The following GRIN3A variants were observed in gnomAD, a reference collection of about 807,000 sequenced individuals.
GRIN3A encodes the protein glutamate ionotropic receptor NMDA type subunit 3A, also known as glutamate receptor ionotropic, NMDA 3A.
A neutral mutation model predicts 92.4 loss-of-function variants in GRIN3A; 47 were observed. The ratio of observed to expected loss-of-function variants is 0.51; its 90% CI spans 0.40 to 0.65. The LOEUF (loss-of-function observed/expected upper bound fraction) is 0.65. GRIN3A is among the 30% of genes least tolerant of loss of function. GRIN3A has a pLI of 0.00. For synonymous variants in GRIN3A, 527 were observed against 540.6 expected (o/e 0.97, Z 0.35); for missense variants, 1,324 against 1,393.1 (o/e 0.95, Z 0.79).
Position 101,570,791 on chromosome 9 carries a change from C to T in GRIN3A, c.*2383G>A, listed in dbSNP as rs1319580710. On this transcript the variant is annotated 3_prime_UTR_variant, in exon 9 of 9. Transcript: ENST00000361820. ...TATACAAAAATGCAGACTTACAAAA[C>T]AGATACATTAAGGGATAATTAATTG... is the stretch of plus-strand genomic sequence containing the variant. 6.6e-6 allele frequency: 1 copy of T among 152,600 alleles called. No individual in the cohort carries two copies. The highest frequency in any genetic ancestry group is 1.9e-4 in the East Asian group (1 of 5,190). The allele number at this position is 152,600 out of a possible 1,614,324, so 9.5% of individuals were successfully genotyped here.
intron 2 of GRIN3A, among the ~76,000 whole-genome samples, chr9:101,686,010 C>G (rs1829528897): frequency 6.6e-6 from 1 of 152,086 alleles, no homozygotes; most frequent in Non-Finnish European, 1.5e-5. Context: ...ACGGTCTGAA[C>G]TTGAGTTCAA....
chr9:101,678,759 T>A (rs1457179215), intron 2 of GRIN3A, among the ~76,000 whole-genome samples: 1 of 152,194 alleles, frequency 6.6e-6, no homozygotes, highest in East Asian at 1.9e-4. Context: ...TATGAGGGGC[T>A]TGCTACATCA....
chr9:101,678,163 A>G (rs1298354430), intron 2 of GRIN3A, among the ~76,000 whole-genome samples: 1 of 152,176 alleles, frequency 6.6e-6, no homozygotes, highest in Non-Finnish European at 1.5e-5. Flanking sequence ...GTTTTGGGGT[A>G]AATGCAATTA....
chr9:101,678,447 A>G (rs767405887), intron 2 of GRIN3A, among the ~76,000 whole-genome samples: 1 of 152,194 alleles, frequency 6.6e-6, no homozygotes, highest in Non-Finnish European at 1.5e-5. Context: ...CCTGCACGCT[A>G]TAATCCCTGA....
intron 6 of GRIN3A, among the ~76,000 whole-genome samples, chr9:101,583,790 C>G (rs2118793698): frequency 6.6e-6 from 1 of 152,222 alleles, no homozygotes; most frequent in Admixed American, 6.5e-5. Flanking sequence ...GCTTCATTTG[C>G]TAGCTCATAG....
intron 8 of GRIN3A, among the ~76,000 whole-genome samples, chr9:101,576,629 AT>A (rs1201474493): frequency 6.6e-6 from 1 of 152,122 alleles, no homozygotes; most frequent in Non-Finnish European, 1.5e-5. Flanking sequence ...TGTTACTGTT[AT>A]TAAAAATTTA....
At chr9:101,613,209 C>A (rs1828391668) in intron 6 of GRIN3A, among the ~76,000 whole-genome samples, 167 bp downstream of exon 6, 1 of 152,184 alleles carries the variant, frequency 6.6e-6, no homozygotes, top group Admixed American at 6.5e-5. Flanking sequence ...CTGTAAATTC[C>A]TATAGGAATG....
intron 6 of GRIN3A, among the ~76,000 whole-genome samples, chr9:101,583,961 A>G (rs545053449): frequency 7.2e-5 from 11 of 152,300 alleles, no homozygotes; most frequent in African/African-American, 2.6e-4. Context: ...GGTTCAAGCA[A>G]TTCTCATGCC....
intron 6 of GRIN3A, among the ~76,000 whole-genome samples, chr9:101,604,188 AAGAG>A (rs1328185795): frequency 3.9e-5 from 6 of 152,298 alleles, no homozygotes; most frequent in East Asian, 3.9e-4. Flanking sequence ...AGGAGGGAGA[AAGAG>A]AGAAAGAAAG....
chr9:101,652,969 G>A (rs891375530), intron 3 of GRIN3A, among the ~76,000 whole-genome samples: 5 of 151,680 alleles, frequency 3.3e-5, no homozygotes, highest in Non-Finnish European at 5.9e-5. Flanking sequence ...AAGAATTTTC[G>A]TTTGAGCTAA....
chr9:101,704,935 A>T (rs1378894946), intron 1 of GRIN3A, among the ~76,000 whole-genome samples: 1 of 152,134 alleles, frequency 6.6e-6, no homozygotes, highest in Non-Finnish European at 1.5e-5. Flanking sequence ...TGCAGCAGGA[A>T]TGAGCAAAAC....
chr9:101,675,276 T>C (rs1310536208), intron 2 of GRIN3A, among the ~76,000 whole-genome samples: 3 of 152,046 alleles, frequency 2.0e-5, no homozygotes, highest in African/African-American at 7.2e-5. Context: ...TAATTAAGAA[T>C]ACGTAATTTG....
rs10156556 is a variant in GRIN3A at position 101,690,368 on chromosome 9, C to A, written c.700-3168G>T. ...GTGGAGATGAAACTCCACTCTACTC[C>A]ATTAATTTTGCAGGTTTTGTTCCAT... On this transcript the variant is annotated intron_variant, in intron 1 of 8. Coordinates refer to ENST00000361820, the MANE Select transcript of GRIN3A (RefSeq NM_133445.3). 8.9e-3 allele frequency among the ~76,000 whole-genome samples: 1,355 copies of A among 152,188 alleles called. 22 individuals carry two copies. The highest frequency in any genetic ancestry group is 0.031 in the African/African-American group (1,289 of 41,528).
intron 1 of GRIN3A, among the ~76,000 whole-genome samples, chr9:101,712,543 A>G (rs1237637854): frequency 2.6e-5 from 4 of 152,190 alleles, no homozygotes; most frequent in Non-Finnish European, 5.9e-5. Context: ...TCAACCCCAA[A>G]TTACAGTGAT....
chr9:101,643,193 G>GCAAA (rs999734111), intron 3 of GRIN3A, among the ~76,000 whole-genome samples: 21 of 151,800 alleles, frequency 1.4e-4, no homozygotes, highest in African/African-American at 5.1e-4. Flanking sequence ...CAGCTCAATA[G>GCAAA]CAAACAAACA....
chr9:101,573,376 G>T lies in GRIN3A; in HGVS notation c.3146C>A (p.Pro1049His), dbSNP rs2118774337. ...GIRIHQDIPL[P>H]PRRRELPALR... is the part of the protein sequence containing the mutation. ...GGCAGGGAGCTCTCTTCTCCTTGGA[G>T]GGAGGGGGATGTCCTGGTGGATCCG... Residue 1049 changes from proline (P) to histidine (H), a missense_variant, in exon 9 of 9, where the codon CCT becomes CAT. Physicochemically the swap from Pro to His is moderately conservative, Grantham distance 77. Transcript: ENST00000361820. 6.2e-7 allele frequency: 1 copy of T among 1,614,032 alleles called. No individual in the cohort carries two copies. Among genetic ancestry groups the T allele is most frequent in the East Asian group, 2.2e-5 (1 of 44,868 alleles).
chr9:101,628,356 T>G lies in GRIN3A; in HGVS notation c.2398A>C (p.Ser800Arg). ...QGFRFGTVRE[S>R]SAEDYVRQSF... The stretch of plus-strand genomic sequence containing the variant: ...TGTCTCACATAATCTTCAGCACTGC[T>G]TTCTCGGACAGTTCCAAAGCGGAAT... Residue 800 changes from serine to arginine, a missense_variant, in exon 4 of 9, where the codon AGC becomes CGC. Physicochemically the swap from Ser to Arg is moderately radical, Grantham distance 110. Coordinates refer to ENST00000361820, the MANE Select transcript of GRIN3A (RefSeq NM_133445.3). The G allele has an allele frequency of 1.2e-6, 2 of 1,613,974 alleles. No individual in the cohort carries two copies. Among genetic ancestry groups the G allele is most frequent in the Non-Finnish European group, 1.7e-6 (2 of 1,179,916 alleles).
intron 1 of GRIN3A, among the ~76,000 whole-genome samples, chr9:101,707,014 G>T (rs1227700917): frequency 6.6e-6 from 1 of 152,040 alleles, no homozygotes. Context: ...CAGCAAATGA[G>T]AAGCAAAAAA....
intron 5 of GRIN3A, among the ~76,000 whole-genome samples, chr9:101,618,935 T>G (rs1330062593): frequency 6.6e-6 from 1 of 152,146 alleles, no homozygotes; most frequent in Non-Finnish European, 1.5e-5. Context: ...GGTTGATGAA[T>G]GAAGCAAAAT....
Sources: gnomAD v4.1 joint callset for allele counts (sites outside exome capture counted in the v4.1 genomes callset) on GRCh38, gnomAD v4.1.1 for gene constraint, MANE v1.5 for transcripts, NCBI Gene and HGNC (gene_info 2026-07-23, HGNC 2026-07-21) for gene names.